PAXBP1: variants seen among roughly 807,000 people sequenced by gnomAD.
PAXBP1 encodes PAX3- and PAX7-binding protein 1.
In PAXBP1, 44 loss-of-function variants were observed where a neutral mutation model predicts 119.9. The observed-to-expected ratio is 0.37, with a 90% confidence interval of 0.29 to 0.47. The LOEUF (loss-of-function observed/expected upper bound fraction) is 0.47. Ranked by LOEUF, PAXBP1 falls within the 20% of genes least tolerant of loss-of-function variation. The pLI, the probability that PAXBP1 is intolerant of heterozygous loss-of-function variation, is 0.99. For missense variants in PAXBP1, 898 were observed against 1,134.1 expected, an observed-to-expected ratio of 0.79 and a Z score of 2.99; for synonymous variants, 393 against 406.6, an observed-to-expected ratio of 0.97 and a Z score of 0.40.
At chr21:32,756,669 T>A in intron 7 of PAXBP1, 1 of 251,720 alleles carries the variant, frequency 4.0e-6, no homozygotes, top group Non-Finnish European at 7.7e-6. Context: ...CCTCATTTTT[T>A]TTTTTAAACC....
chr21:32,763,591 T>A (rs1317952331), intron 3 of PAXBP1, among the ~76,000 whole-genome samples: 18 of 152,240 alleles, frequency 1.2e-4, no homozygotes, highest in Admixed American at 1.2e-3. Context: ...ATAATTTAAA[T>A]CTGGCTACTA....
chr21:32,743,563 T>C, intron 14 of PAXBP1, 115 bp downstream of exon 14: 1 of 817,452 alleles, frequency 1.2e-6, no homozygotes, highest in South Asian at 1.6e-5. Context: ...CTAGTCTCTC[T>C]GTAATACACT....
chr21:32,745,800 G>A, intron 11 of PAXBP1, 82 bp from the exon 12 acceptor site: 2 of 1,533,324 alleles, frequency 1.3e-6, no homozygotes, highest in Non-Finnish European at 1.8e-6. Flanking sequence ...AACAAGAACT[G>A]GATTTAACCT....
At position 32,734,930 on chromosome 21, in the gene PAXBP1, G is replaced by A; in HGVS notation, c.*20C>T. ...ATTGGGAATGGTAATCAAGCAAATA[G>A]GTTTTTCAGTCTCATAGATCTATTT... On this transcript the variant is annotated 3_prime_UTR_variant, in exon 18 of 18. Coordinates refer to ENST00000331923, the MANE Select transcript of PAXBP1 (RefSeq NM_016631.4). The A allele has an allele frequency of 6.4e-7, 1 of 1,569,178 alleles. No homozygotes were observed. Among genetic ancestry groups the A allele is most frequent in the Non-Finnish European group, 8.8e-7 (1 of 1,139,756 alleles).
chr21:32,750,055 A>G (rs989795698), intron 10 of PAXBP1, among the ~76,000 whole-genome samples: 8 of 152,240 alleles, frequency 5.3e-5, no homozygotes, highest in Admixed American at 3.9e-4. Context: ...TGATATTAAG[A>G]AATCTGTTTT....
intron 10 of PAXBP1, among the ~76,000 whole-genome samples, chr21:32,749,821 A>C (rs2043931694): frequency 6.6e-6 from 1 of 152,198 alleles, no homozygotes; most frequent in Non-Finnish European, 1.5e-5. Context: ...ACAGTCTATA[A>C]GAGAAGTGGC....
chr21:32,769,824 T>C lies in PAXBP1; in HGVS notation c.462A>G (p.Ser154=). The C allele has an allele frequency of 2.5e-6, 4 of 1,600,762 alleles. No homozygotes were observed. The highest frequency in any genetic ancestry group is 3.4e-6 in the Non-Finnish European group (4 of 1,176,742). The change falls in exon 2 of 18, where the codon TCA becomes TCG. Residue 154 remains serine, a synonymous_variant. Transcript: ENST00000331923. ...EKSKIKTELN[S]SAESEQPLDK... Reference sequence around the variant, plus strand: ...TAGTTTGGTACTTACTTTCAGCTGATGAGTTGAGTTCTGTCTTAATCTTCG... The same window carrying C: ...TAGTTTGGTACTTACTTTCAGCTGACGAGTTGAGTTCTGTCTTAATCTTCG...
intron 7 of PAXBP1, 95 bp downstream of exon 7, chr21:32,758,985 G>A: frequency 2.5e-6 from 3 of 1,217,120 alleles, no homozygotes; most frequent in Non-Finnish European, 3.5e-6. Flanking sequence ...AGTTCAGTGG[G>A]TACTTTCTGA....
At chr21:32,739,375 C>T (rs1476593237) in intron 15 of PAXBP1, among the ~76,000 whole-genome samples, 1 of 152,138 alleles carries the variant, frequency 6.6e-6, no homozygotes, top group Non-Finnish European at 1.5e-5. Context: ...CTCACTACCC[C>T]ATCAGTAAAG....
chr21:32,771,080 G>A (rs1250009406), intron 1 of PAXBP1, among the ~76,000 whole-genome samples: 1 of 152,254 alleles, frequency 6.6e-6, no homozygotes, highest in Non-Finnish European at 1.5e-5. Flanking sequence ...GAAACACTCT[G>A]AATGCCTGAT....
intron 8 of PAXBP1, 72 bp downstream of exon 8, chr21:32,755,158 A>T: frequency 7.0e-7 from 1 of 1,422,602 alleles, no homozygotes; most frequent in South Asian, 1.6e-5. Context: ...CAAGATCTCT[A>T]ATTTTCAATT....
chr21:32,769,717 G>A (rs2044302416), intron 2 of PAXBP1, 97 bp downstream of exon 2: 6 of 1,283,140 alleles, frequency 4.7e-6, no homozygotes, highest in Non-Finnish European at 6.5e-6. Context: ...ACAACCACAG[G>A]GTCCACTGAA....
rs1208593687 is a variant in PAXBP1 at position 32,748,585 on chromosome 21, A to C, written c.1837T>G (p.Tyr613Asp). 1.2e-6 allele frequency: 2 copies of C among 1,614,108 alleles called. No individual in the cohort carries two copies. Among genetic ancestry groups the C allele is most frequent in the Non-Finnish European group, 1.7e-6 (2 of 1,179,950 alleles). ...CAAAGGCCAATGTAAGCATCTTTGT[A>C]GGATGTGTAGTATTTTGAACGCCAT... Reference protein sequence around the residue: ...EAWRSKYYTSYKDAYIGLCLP... With the variant: ...EAWRSKYYTSDKDAYIGLCLP... Residue 613 changes from tyrosine (Y) to aspartate (D), a missense_variant, in exon 11 of 18, where the codon TAC becomes GAC. By Grantham distance (160) the Tyr-to-Asp change is radical (BLOSUM62 -3). This residue lies in a region of PAXBP1 where 599 missense variants were observed against 852.7 expected (regional missense o/e 0.70). Transcript: ENST00000331923.
chr21:32,762,606 AT>A (rs999559695), intron 3 of PAXBP1, among the ~76,000 whole-genome samples: 49 of 150,312 alleles, frequency 3.3e-4, no homozygotes, highest in African/African-American at 9.3e-4. Context: ...TTTAGCTATA[AT>A]TTTTTTTTTC....
chr21:32,740,709 AT>A (rs913584208), intron 15 of PAXBP1, among the ~76,000 whole-genome samples: 59 of 152,334 alleles, frequency 3.9e-4, no homozygotes, highest in African/African-American at 1.4e-3. Context: ...TAGATATGAC[AT>A]CTAAAGCACA....
At chr21:32,770,841 A>T (rs2044327213) in intron 1 of PAXBP1, among the ~76,000 whole-genome samples, 1 of 152,244 alleles carries the variant, frequency 6.6e-6, no homozygotes, top group African/African-American at 2.4e-5. Context: ...AAGGTCACTC[A>T]GAACCAGAGC....
intron 17 of PAXBP1, 103 bp from the exon 18 acceptor site, chr21:32,735,170 C>G: frequency 1.3e-6 from 1 of 744,620 alleles, no homozygotes; most frequent in Non-Finnish European, 2.2e-6. Context: ...TCAATTTTTC[C>G]AAGCACACAT....
At chr21:32,770,022 T>A in intron 1 of PAXBP1, 80 bp from the exon 2 acceptor site, 1 of 1,090,138 alleles carries the variant, frequency 9.2e-7, no homozygotes. Context: ...TCTTACGTGC[T>A]GTCCAAATTA....
Position 32,751,141 on chromosome 21 carries a change from T to C in PAXBP1, c.1585A>G (p.Ile529Val). 1 of 1,613,918 alleles carries C rather than the reference T, an allele frequency of 6.2e-7. No homozygotes were observed. Among genetic ancestry groups the C allele is most frequent in the Non-Finnish European group, 8.5e-7 (1 of 1,179,786 alleles). The change falls in exon 9 of 18, where the codon ATT becomes GTT. Residue 529 changes from isoleucine (I) to valine (V), a missense_variant. Transcript: ENST00000331923. The part of the protein sequence containing the change: ...ALYQEHAKRR[I>V]AEREARRTRR... ...TACCTCCTGGCCTCCCGCTCTGCAA[T>C]GCGACGTTTTGCATGCTCTTGATAC...
Sources: allele counts gnomAD v4.1 joint callset (sites outside exome capture counted in the v4.1 genomes callset), GRCh38; gene constraint gnomAD v4.1.1; regional missense constraint gnomAD v4.1.1; transcripts MANE v1.5; gene names NCBI Gene and HGNC (gene_info 2026-07-23, HGNC 2026-07-21).